ZNF282: variants seen among roughly 807,000 people sequenced by gnomAD.
ZNF282 encodes zinc finger protein 282.
Under a neutral mutation model 61.9 loss-of-function variants are expected in ZNF282, and 30 were observed. The observed-to-expected ratio is 0.48, with a 90% CI of 0.36 to 0.66. The LOEUF is 0.66. ZNF282 is among the 30% of genes least tolerant of loss of function. The pLI is 0.00. For synonymous variants in ZNF282, 396 were observed against 405.0 expected, an observed-to-expected ratio of 0.98 and a Z score of 0.27; for missense variants, 788 against 941.4, an observed-to-expected ratio of 0.84 and a Z score of 2.13.
intron 7 of ZNF282, among the ~76,000 whole-genome samples, chr7:149,215,801 C>T (rs1362584870): frequency 2.0e-5 from 3 of 152,238 alleles, no homozygotes; most frequent in Non-Finnish European, 4.4e-5. Context: ...CCATCTCTTC[C>T]TCCACAGCTG....
chr7:149,199,588 C>T (rs550372915), intron 2 of ZNF282, among the ~76,000 whole-genome samples: 74 of 152,340 alleles, frequency 4.9e-4, no homozygotes, highest in African/African-American at 1.8e-3. Context: ...CTCTTTAGAG[C>T]AGAACCCCTT....
chr7:149,212,274 G>A, intron 5 of ZNF282, 84 bp from the exon 6 acceptor site: 1 of 874,894 alleles, frequency 1.1e-6, no homozygotes. Flanking sequence ...ATAATTGCAT[G>A]AAATCAGAGA....
chr7:149,196,747 G>A (rs902071867), intron 1 of ZNF282, among the ~76,000 whole-genome samples: 3 of 152,156 alleles, frequency 2.0e-5, no homozygotes, highest in East Asian at 1.9e-4. Context: ...GGGCTAGGGC[G>A]GAGTGGAGCC....
At position 149,201,752 on chromosome 7, in the gene ZNF282, A is replaced by T. The variant is rs906804678; in HGVS notation, c.585+3000A>T. On this transcript the variant is annotated intron_variant, in intron 2 of 7. Transcript: ENST00000610704. ...GGGTGACAGAGTGAGAATCTGTCTTAAAAAAAACCCAAAAAACACCTCCCA... is the reference window on the plus strand; with the variant it reads ...GGGTGACAGAGTGAGAATCTGTCTTTAAAAAAACCCAAAAAACACCTCCCA... 2.6e-5 allele frequency among the ~76,000 whole-genome samples: 4 copies of T among 151,664 alleles called. 1 individual carries two copies. Among genetic ancestry groups the T allele is most frequent in the South Asian group, 2.1e-4 (1 of 4,798 alleles).
In ZNF282 at chr7:149,207,364, A is replaced by C. The variant is rs1251415992; in HGVS notation, c.726A>C (p.Ser242=). Residue 242 remains serine (S), a synonymous_variant, in exon 4 of 8, where the codon TCA becomes TCC. Coordinates refer to ENST00000610704, the MANE Select transcript of ZNF282 (RefSeq NM_003575.4). ...KTLMSLDAEG[S]VPKPDAPVQA... The stretch of plus-strand genomic sequence containing the variant: ...CCTCACTTCCAGACGCGGAGGGCTC[A>C]GTCCCCAAGCCAGATGCTCCAGTCC... The C allele has an allele frequency of 6.3e-7, 1 of 1,587,418 alleles. No individual in the cohort carries two copies. The highest frequency in any genetic ancestry group is 1.3e-5 in the African/African-American group (1 of 74,222).
At chr7:149,205,806 G>A (rs1585564035) in intron 2 of ZNF282, among the ~76,000 whole-genome samples, 1 of 152,198 alleles carries the variant, frequency 6.6e-6, no homozygotes, top group Admixed American at 6.5e-5. Flanking sequence ...CAGATACGTA[G>A]ATGAATGGAC....
intron 7 of ZNF282, among the ~76,000 whole-genome samples, chr7:149,219,736 A>G (rs1181787507): frequency 6.6e-6 from 1 of 152,134 alleles, no homozygotes; most frequent in African/African-American, 2.4e-5. Flanking sequence ...AATCCCAGCT[A>G]CTTGGGAGGC....
chr7:149,205,042 T>C (rs1202416), intron 2 of ZNF282, among the ~76,000 whole-genome samples: 127,670 of 151,764 alleles, frequency 0.84, 54,111 homozygotes, highest in Middle Eastern at 0.97. Context: ...GCAGGGGAAT[T>C]GCTTGAAACT....
At chr7:149,212,184 T>G in intron 5 of ZNF282, 174 bp from the exon 6 acceptor site, 1 of 511,312 alleles carries the variant, frequency 2.0e-6, no homozygotes, top group Non-Finnish European at 3.5e-6. Flanking sequence ...CAGCAAAAGC[T>G]CCGTTAATTG....
At chr7:149,213,906 C>A (rs1796124099) in intron 7 of ZNF282, 92 bp downstream of exon 7, 3 of 837,804 alleles carry the variant, frequency 3.6e-6, no homozygotes, top group Non-Finnish European at 5.7e-6. Flanking sequence ...CTCAGCTCAC[C>A]CCTCGTAGGG....
At chr7:149,220,397 GCCAGACT>G (rs1351548279) in intron 7 of ZNF282, among the ~76,000 whole-genome samples, 4 of 152,006 alleles carry the variant, frequency 2.6e-5, no homozygotes, top group African/African-American at 9.7e-5. Flanking sequence ...GCGCAACTGA[GCCAGACT>G]CCGTCTCCAA....
At chr7:149,210,950 A>G (rs2129523404) in intron 5 of ZNF282, among the ~76,000 whole-genome samples, 1 of 152,312 alleles carries the variant, frequency 6.6e-6, no homozygotes, top group African/African-American at 2.4e-5. Flanking sequence ...TCTCTTCCTC[A>G]TATTATCCGT....
In ZNF282 at chr7:149,198,602, C is replaced by G; in HGVS notation, c.435C>G (p.Asn145Lys). ...AAAAGACGGCCGTGGAATTTGGGAA[C>G]CACATGGAGAGCAAGTGGGCCGTGC... Reference protein sequence around the residue: ...DCEKTAVEFGNHMESKWAVLG... With the variant: ...DCEKTAVEFGKHMESKWAVLG... The change falls in exon 2 of 8, where the codon AAC becomes AAG. Residue 145 changes from asparagine to lysine, a missense_variant. Physicochemically the swap from Asn to Lys is moderately conservative, Grantham distance 94. Coordinates refer to ENST00000610704, the MANE Select transcript of ZNF282 (RefSeq NM_003575.4). This position sits in a 1 kb window ranked among gnomAD's most constrained non-coding sequence, Gnocchi z 4.3. 1 of 1,614,178 alleles carries G rather than the reference C, an allele frequency of 6.2e-7. No individual in the cohort carries two copies. Among genetic ancestry groups the G allele is most frequent in the Non-Finnish European group, 8.5e-7 (1 of 1,180,032 alleles).
In ZNF282 at chr7:149,224,698, G is replaced by A. The variant is rs566358242; in HGVS notation, c.*51G>A. 4 of 1,446,476 alleles carry A rather than the reference G, an allele frequency of 2.8e-6. No individual in the cohort carries two copies. The East Asian group carries it at 1.0e-4, about 36-fold the overall frequency. The allele number at this position is 1,446,476 out of a possible 1,614,324, so 89.6% of individuals were successfully genotyped here. The stretch of plus-strand genomic sequence containing the variant: ...GGACGGAGTGGATCGGGGGCGGCCT[G>A]AGCACCAACCACCTTGCCGGGTGTC... On this transcript the variant is annotated 3_prime_UTR_variant, in exon 8 of 8. Coordinates refer to ENST00000610704, the MANE Select transcript of ZNF282 (RefSeq NM_003575.4).
intron 2 of ZNF282, among the ~76,000 whole-genome samples, chr7:149,205,121 C>T (rs190571212): frequency 5.9e-5 from 9 of 151,424 alleles, no homozygotes; most frequent in African/African-American, 9.7e-5. Flanking sequence ...AGCGAGACTC[C>T]GTTTCAAAAA....
At chr7:149,207,169 A>C (rs576494835) in intron 3 of ZNF282, among the ~76,000 whole-genome samples, 182 bp from the exon 4 acceptor site, 1 of 152,290 alleles carries the variant, frequency 6.6e-6, no homozygotes, top group African/African-American at 2.4e-5. Flanking sequence ...CTCTTCCTAC[A>C]GTAGAAATTT....
Position 149,224,350 on chromosome 7 carries a change from C to T in ZNF282, c.1719C>T (p.Pro573=). ...RHQMTHRGER[P]YKCSECEKTY... Reference sequence around the variant, plus strand: ...AGATGACGCACCGCGGCGAGCGGCCCTACAAGTGCTCGGAGTGCGAGAAGA... The same window carrying T: ...AGATGACGCACCGCGGCGAGCGGCCTTACAAGTGCTCGGAGTGCGAGAAGA... Residue 573 remains proline (P), a synonymous_variant, in exon 8 of 8, where the codon CCC becomes CCT. Coordinates refer to ENST00000610704, the MANE Select transcript of ZNF282 (RefSeq NM_003575.4). The T allele has an allele frequency of 8.1e-6, 13 of 1,613,840 alleles. No individual in the cohort carries two copies. The highest frequency in any genetic ancestry group is 1.1e-5 in the Non-Finnish European group (13 of 1,179,934).
At position 149,195,582 on chromosome 7, in the gene ZNF282, C is replaced by T. The variant is rs773273648; in HGVS notation, c.-8C>T. On this transcript the variant is annotated 5_prime_UTR_variant, in exon 1 of 8. Coordinates refer to ENST00000610704, the MANE Select transcript of ZNF282 (RefSeq NM_003575.4). ...TGGCCGACCCGAGCGGGGAACAGCA[C>T]TCCCAGGATGCAGTTTGTGTCAACA... 1.2e-6 allele frequency: 2 copies of T among 1,609,512 alleles called. No homozygotes were observed. Among genetic ancestry groups the T allele is most frequent in the South Asian group, 1.1e-5 (1 of 90,898 alleles).
intron 2 of ZNF282, among the ~76,000 whole-genome samples, chr7:149,206,210 G>T (rs1260186026): frequency 6.6e-6 from 1 of 152,200 alleles, no homozygotes; most frequent in Non-Finnish European, 1.5e-5. Context: ...GGTAGTGAAC[G>T]AAGTGGACCA....
Sources: allele counts gnomAD v4.1 joint callset (sites outside exome capture counted in the v4.1 genomes callset), GRCh38; gene constraint gnomAD v4.1.1; non-coding constraint Gnocchi (gnomAD v3.1); transcripts MANE v1.5; gene names NCBI Gene and HGNC (gene_info 2026-07-23, HGNC 2026-07-21).